RTN4: variants seen among roughly 807,000 people sequenced by gnomAD.
RTN4 encodes reticulon-4.
In RTN4, 32 loss-of-function variants were observed where a neutral mutation model predicts 90.4. The observed-to-expected ratio is 0.35, with a 90% confidence interval of 0.27 to 0.48. The LOEUF (loss-of-function observed/expected upper bound fraction) is 0.48. RTN4 is among the 20% of genes least tolerant of loss of function. RTN4 has a pLI of 0.99. For synonymous variants in RTN4, 629 were observed against 552.5 expected, an observed-to-expected ratio of 1.14 and a Z score of -1.94; for missense variants, 1,706 against 1,430.2, an observed-to-expected ratio of 1.19 and a Z score of -3.11.
the RTN4 span, among the ~76,000 whole-genome samples, chr2:55,136,984 TGGCAGTCCTGCGGAGGAGAG>T: frequency 6.6e-6 from 1 of 152,170 alleles, no homozygotes; most frequent in Non-Finnish European, 1.5e-5. Context: ...CTCAAGGAAC[TGGCAGTCCTGCGGAGGAGAG>T]AGACGCATAA....
intron 3 of RTN4, among the ~76,000 whole-genome samples, chr2:54,988,894 C>G (rs765493474): frequency 6.6e-6 from 1 of 152,126 alleles, no homozygotes; most frequent in Non-Finnish European, 1.5e-5. Context: ...CAAGGAGAAC[C>G]CCGAAGTGTG....
At chr2:55,067,492 C>A (rs4444576) in intron 2 of RTN4, among the ~76,000 whole-genome samples, 34,758 of 151,478 alleles carry the variant, frequency 0.23, 6,841 homozygotes, top group African/African-American at 0.54. Flanking sequence ...AGCTCACTAC[C>A]ACCTCCACCT....
At chr2:55,077,782 CACACACACACAG>C (rs1383951252) in intron 2 of RTN4, among the ~76,000 whole-genome samples, 2 of 151,876 alleles carry the variant, frequency 1.3e-5, no homozygotes, top group African/African-American at 2.4e-5. Flanking sequence ...CACACACACA[CACACACACACAG>C]ACACACCATA....
the RTN4 span, among the ~76,000 whole-genome samples, chr2:55,124,556 A>C: frequency 2.0e-5 from 3 of 152,248 alleles, no homozygotes; most frequent in African/African-American, 7.2e-5. Flanking sequence ...TGTTCAAGGA[A>C]ATCAGAGAAG....
intron 2 of RTN4, among the ~76,000 whole-genome samples, chr2:55,076,432 C>T (rs201793815): frequency 8.6e-6 from 1 of 116,436 alleles, no homozygotes; most frequent in East Asian, 3.0e-4. Flanking sequence ...TGGACTCTCA[C>T]TCTGTCGCCC....
chr2:55,073,400 G>C (rs1408611511), intron 2 of RTN4, among the ~76,000 whole-genome samples: 1 of 152,186 alleles, frequency 6.6e-6, no homozygotes, highest in Non-Finnish European at 1.5e-5. Flanking sequence ...ATAGCATTTA[G>C]TTGTTACTAT....
chr2:55,113,948 G>A (rs371571899), upstream of RTN4, among the ~76,000 whole-genome samples: 12 of 152,252 alleles, frequency 7.9e-5, no homozygotes, highest in East Asian at 2.3e-3. Context: ...AACTAAACTG[G>A]GCTGTGAAAG....
At chr2:55,005,181 G>GT (rs533138690) in intron 3 of RTN4, among the ~76,000 whole-genome samples, 18 of 152,152 alleles carry the variant, frequency 1.2e-4, no homozygotes, top group Non-Finnish European at 2.4e-4. Context: ...TGAAAAGTAA[G>GT]TAAAGGAAAA....
chr2:55,122,135 CCT>C, the RTN4 span, among the ~76,000 whole-genome samples: 7 of 151,924 alleles, frequency 4.6e-5, no homozygotes, highest in African/African-American at 7.3e-5. Context: ...GTAGGGGCCC[CCT>C]CTAGATAATT....
intron 1 of RTN4, among the ~76,000 whole-genome samples, chr2:55,029,763 C>A (rs2104885262): frequency 6.6e-6 from 1 of 152,218 alleles, no homozygotes; most frequent in South Asian, 2.1e-4. Context: ...AAAAGGGTTT[C>A]CTCCAACCTA....
chr2:55,046,457 T>C (rs949155741), intron 1 of RTN4, among the ~76,000 whole-genome samples: 3 of 152,172 alleles, frequency 2.0e-5, no homozygotes, highest in Admixed American at 1.3e-4. Flanking sequence ...CTGAAGTTGC[T>C]TGGAAATGTT....
chr2:55,049,892 C>T lies in RTN4; in HGVS notation c.409G>A (p.Asp137Asn). Residue 137 changes from aspartate to asparagine, a missense_variant, in exon 1 of 9, where the codon GAC (aspartate) becomes AAC (asparagine). Coordinates refer to ENST00000337526, the MANE Select transcript of RTN4 (RefSeq NM_020532.5). ...GGGGGAGGCCGGGCCGGAGGCTCGTCGTCCTCAGGGAGCTTGGAGGGCGAG... is the reference window on the plus strand; with the variant it reads ...GGGGGAGGCCGGGCCGGAGGCTCGTTGTCCTCAGGGAGCTTGGAGGGCGAG... ...AVSPSKLPED[D>N]EPPARPPPPP... 1 of 1,321,510 alleles carries T rather than the reference C, an allele frequency of 7.6e-7. No individual in the cohort carries two copies. Among genetic ancestry groups the T allele is most frequent in the Non-Finnish European group, 9.6e-7 (1 of 1,039,734 alleles). 81.9% of individuals were successfully genotyped at this position (1,321,510 alleles called of 1,614,324 possible). A position where few individuals can be genotyped will look rare whatever the true frequency, so the allele number is the denominator to read the frequency against.
At chr2:54,973,221 A>G in intron 8 of RTN4, 23 bp from the exon 9 acceptor site, 1 of 1,591,210 alleles carries the variant, frequency 6.3e-7, no homozygotes, top group Non-Finnish European at 8.6e-7. Flanking sequence ...AAGTCAATGT[A>G]AATATCAGTT....
intron 5 of RTN4, among the ~76,000 whole-genome samples, chr2:54,980,666 C>A (rs1678047201): frequency 6.6e-6 from 1 of 152,180 alleles, no homozygotes; most frequent in African/African-American, 2.4e-5. Context: ...GCTCACCAGG[C>A]TTTTCTTTGA....
At chr2:55,094,663 C>G (rs1669000310) in intron 1 of RTN4, among the ~76,000 whole-genome samples, 1 of 152,124 alleles carries the variant, frequency 6.6e-6, no homozygotes, top group African/African-American at 2.4e-5. Flanking sequence ...ATCAGGTCAT[C>G]AAAGGAGGCT....
chr2:55,050,181 C>T lies in RTN4; in HGVS notation c.120G>A (p.Glu40=). 6.4e-7 allele frequency: 1 copy of T among 1,570,532 alleles called. No individual in the cohort carries two copies. Among genetic ancestry groups the T allele is most frequent in the South Asian group, 1.2e-5 (1 of 86,508 alleles). Residue 40 remains glutamate, a synonymous_variant, in exon 1 of 9, where the codon GAG becomes GAA. Coordinates refer to ENST00000337526, the MANE Select transcript of RTN4 (RefSeq NM_020532.5). This position sits in a 1 kb window ranked among gnomAD's most constrained non-coding sequence, Gnocchi z 4.6. ...GGTCTTCGTCCTCGTCCTCCTCTTC[C>T]TCCTCCTCTTCTTCCTCCTCGTCCT... ...EPEDEEEEEE[E]EEEDEDEDLE...
chr2:54,996,351 G>C (rs1036520320), intron 3 of RTN4, among the ~76,000 whole-genome samples: 3 of 152,084 alleles, frequency 2.0e-5, no homozygotes, highest in African/African-American at 7.2e-5. Context: ...AAATTCATAT[G>C]GAAATATAAG....
rs374095352 is a variant in RTN4, at chr2:55,027,301, T to G, written c.798A>C (p.Gln266His). ...STVLPTEGTL[Q>H]ENVSEASKEV... ...CTTTAGAAGCTTCACTGACATTTTC[T>G]TGAAGTGTTCCTTCAGTGGGTAATA... The change falls in exon 3 of 9, where the codon CAA becomes CAC. Residue 266 changes from glutamine (Q) to histidine (H), a missense_variant. Gln to His is a conservative substitution (Grantham distance 24, BLOSUM62 0). Coordinates refer to ENST00000337526, the MANE Select transcript of RTN4 (RefSeq NM_020532.5). 6.3e-5 allele frequency: 102 copies of G among 1,613,642 alleles called. No individual in the cohort carries two copies. The highest frequency in any genetic ancestry group is 8.3e-5 in the Non-Finnish European group (98 of 1,179,774).
upstream of RTN4, among the ~76,000 whole-genome samples, chr2:55,116,089 G>GAC (rs1409371829): frequency 4.4e-4 from 36 of 81,302 alleles, no homozygotes; most frequent in South Asian, 7.8e-3. Context: ...ATGGGGACTA[G>GAC]TCTTTTTTTT....
Sources: allele counts gnomAD v4.1 joint callset (sites outside exome capture counted in the v4.1 genomes callset), GRCh38; gene constraint gnomAD v4.1.1; non-coding constraint Gnocchi (gnomAD v3.1); transcripts MANE v1.5; gene names NCBI Gene and HGNC (gene_info 2026-07-23, HGNC 2026-07-21).